The following ITIH2 variants were observed in gnomAD, a reference collection of about 807,000 sequenced individuals.
ITIH2 encodes the protein inter-alpha-trypsin inhibitor heavy chain 2.
Under a neutral mutation model 104.4 loss-of-function variants are expected in ITIH2, and 103 were observed. The ratio of observed to expected loss-of-function variants is 0.99; its 90% confidence interval spans 0.84 to 1.16. The LOEUF (loss-of-function observed/expected upper bound fraction) is 1.16. Among genes scored for constraint, ITIH2 ranks in the 50% most tolerant of loss-of-function variants. The pLI is 0.00. For synonymous variants in ITIH2, 436 were observed against 435.4 expected, an observed-to-expected ratio of 1.00 and a Z score of -0.02; for missense variants, 1,108 against 1,162.4, an observed-to-expected ratio of 0.95 and a Z score of 0.68.
chr10:7,741,727 A>C (rs1835126436), intron 16 of ITIH2, among the ~76,000 whole-genome samples: 1 of 92,664 alleles, frequency 1.1e-5, no homozygotes, highest in African/African-American at 2.9e-5. Context: ...GCTGCTCAAC[A>C]GAATAAAGGC....
At chr10:7,714,630 CAG>C (rs971376503) in intron 5 of ITIH2, among the ~76,000 whole-genome samples, 100 of 152,296 alleles carry the variant, frequency 6.6e-4, no homozygotes, top group African/African-American at 2.2e-3. Context: ...CCAGTTCTGT[CAG>C]AGACAGCAGC....
intron 1 of ITIH2, among the ~76,000 whole-genome samples, chr10:7,704,613 T>C (rs1834727637): frequency 2.0e-5 from 3 of 152,184 alleles, no homozygotes; most frequent in African/African-American, 7.2e-5. Context: ...TGAATTCCCA[T>C]GTCCAACAAA....
chr10:7,732,036 C>T (rs1405479183), intron 13 of ITIH2, 40 bp downstream of exon 13: 1 of 1,463,960 alleles, frequency 6.8e-7, no homozygotes, highest in Middle Eastern at 1.8e-4. Flanking sequence ...ACTAACTGAC[C>T]CCCTAGATAC....
At chr10:7,726,258 G>T (rs7912641) in intron 9 of ITIH2, among the ~76,000 whole-genome samples, 11,096 of 152,212 alleles carry the variant, frequency 0.073, 561 homozygotes, top group African/African-American at 0.14. Flanking sequence ...TTGTAGAAGG[G>T]TGAGAAATAA....
At chr10:7,731,770 A>T in intron 12 of ITIH2, 41 bp from the exon 13 acceptor site, 3 of 1,350,372 alleles carry the variant, frequency 2.2e-6, no homozygotes, top group Non-Finnish European at 3.1e-6. Context: ...TCTACAAAGC[A>T]GTAGGAACAT....
chr10:7,729,881 T>C, intron 11 of ITIH2, 71 bp from the exon 12 acceptor site: 1 of 1,115,100 alleles, frequency 9.0e-7, no homozygotes, highest in Non-Finnish European at 1.3e-6. Context: ...TAAACTGCCC[T>C]CCCTGGATTT....
In ITIH2 at chr10:7,749,508, A is replaced by T. The variant is rs560801643; in HGVS notation, c.*174A>T. 5.7e-6 allele frequency: 3 copies of T among 521,742 alleles called. No homozygotes were observed. Among genetic ancestry groups the T allele is most frequent in the Non-Finnish European group, 1.0e-5 (3 of 300,366 alleles). The allele number at this position is 521,742 out of a possible 1,614,324, so 32.3% of individuals were successfully genotyped here. A position where few individuals can be genotyped will look rare whatever the true frequency, so the allele number is the denominator to read the frequency against. ...TGTAAACACACCTAAGAAAATAAAC[A>T]TTTTACAAATGAGCTTTTAGGATTT... On this transcript the variant is annotated 3_prime_UTR_variant, in exon 21 of 21. Transcript: ENST00000358415.
At chr10:7,734,375 A>T (rs59756983) in intron 14 of ITIH2, among the ~76,000 whole-genome samples, 6,452 of 152,268 alleles carry the variant, frequency 0.042, 498 homozygotes, top group African/African-American at 0.15. Context: ...TGAACCTAAA[A>T]CTGCTCTAAA....
At chr10:7,746,499 A>C (rs1835178876) in intron 19 of ITIH2, 94 bp from the exon 20 acceptor site, 13 of 787,872 alleles carry the variant, frequency 1.7e-5, no homozygotes, top group Non-Finnish European at 2.8e-5. Context: ...GAAATCCTGG[A>C]GGGAGGACCG....
In ITIH2 at chr10:7,717,694, T is replaced by A. The variant is rs199526532; in HGVS notation, c.536T>A (p.Phe179Tyr). ...GTCCTCCCAGGAGCAAAGGTGCAGT[T>A]CGAACTTCACTACCAGGAGGTGAAG... ...VNVLPGAKVQFELHYQEVKWR... is the reference protein window; with the variant it reads ...VNVLPGAKVQYELHYQEVKWR... Residue 179 changes from phenylalanine to tyrosine, a missense_variant, in exon 6 of 21, where the codon TTC becomes TAC. Coordinates refer to ENST00000358415, the MANE Select transcript of ITIH2 (RefSeq NM_002216.3). 3 of 1,613,622 alleles carry A rather than the reference T, an allele frequency of 1.9e-6. No individual in the cohort carries two copies. The highest frequency in any genetic ancestry group is 2.5e-6 in the Non-Finnish European group (3 of 1,179,960).
intron 6 of ITIH2, among the ~76,000 whole-genome samples, chr10:7,719,890 A>C (rs1223948753): frequency 1.4e-5 from 2 of 147,440 alleles, no homozygotes; most frequent in Non-Finnish European, 3.0e-5. Flanking sequence ...ACACGGGGAC[A>C]TAGGGTGGGG....
chr10:7,730,813 G>A (rs777583031), intron 12 of ITIH2, among the ~76,000 whole-genome samples: 4 of 152,178 alleles, frequency 2.6e-5, no homozygotes, highest in Non-Finnish European at 4.4e-5. Flanking sequence ...GAACAAGTAA[G>A]AGATAAGATT....
In ITIH2 at chr10:7,727,561, C is replaced by T. The variant is rs113870738; in HGVS notation, c.1154-142C>T. ...CCACCAGCTTGAGCACAGTTTGTGT[C>T]ACTCAGAAAGCAATGAAATGATTTT... is the stretch of plus-strand genomic sequence containing the variant. On this transcript the variant is annotated intron_variant, in intron 10 of 20. Transcript: ENST00000358415. The T allele has an allele frequency of 3.5e-3, 3,386 of 970,080 alleles. 69 individuals carry two copies. The African/African-American group carries it at 0.048, about 14-fold the overall frequency. 60.1% of individuals were successfully genotyped at this position (970,080 alleles called of 1,614,324 possible).
chr10:7,718,412 A>AG (rs974685397), intron 6 of ITIH2, among the ~76,000 whole-genome samples: 2 of 152,096 alleles, frequency 1.3e-5, no homozygotes, highest in Non-Finnish European at 2.9e-5. Context: ...GCGCATCTTT[A>AG]GGGGGGGAGG....
intron 8 of ITIH2, among the ~76,000 whole-genome samples, chr10:7,723,091 AGAGTG>A (rs1264967245): frequency 1.1e-5 from 1 of 89,836 alleles, no homozygotes; most frequent in African/African-American, 4.4e-5. Context: ...GGAGTGGAGT[AGAGTG>A]GAGTGGCGTG....
chr10:7,744,172 A>G lies in ITIH2; in HGVS notation c.2300A>G (p.Gln767Arg). The G allele has an allele frequency of 1.2e-6, 2 of 1,614,142 alleles. No individual in the cohort carries two copies. The highest frequency in any genetic ancestry group is 1.7e-6 in the Non-Finnish European group (2 of 1,179,978). The change falls in exon 18 of 21, where the codon CAA (glutamine) becomes CGA (arginine). Residue 767 changes from glutamine to arginine, a missense_variant. Transcript: ENST00000358415. Reference sequence around the variant, plus strand: ...TTTGGAAAACTGGGATTTTATTTCCAAAGTGAAGACATAAAAATAGAAATC... The same window carrying G: ...TTTGGAAAACTGGGATTTTATTTCCGAAGTGAAGACATAAAAATAGAAATC... ...TYFGKLGFYF[Q>R]SEDIKIEIST...
At chr10:7,707,141 G>T in intron 2 of ITIH2, 60 bp from the exon 3 acceptor site, 2 of 1,226,746 alleles carry the variant, frequency 1.6e-6, no homozygotes, top group Admixed American at 1.9e-5. Flanking sequence ...AAACGGTTTT[G>T]GCTCTCAAGG....
At chr10:7,736,396 C>CT (rs1835055823) in intron 15 of ITIH2, among the ~76,000 whole-genome samples, 1 of 152,024 alleles carries the variant, frequency 6.6e-6, no homozygotes, top group African/African-American at 2.4e-5. Flanking sequence ...TTATATTATT[C>CT]TTTTTTCTAG....
rs759775415 is a variant in ITIH2 at position 7,707,244 on chromosome 10, T to G, written c.192+11T>G. On this transcript the variant is annotated intron_variant, in intron 3 of 20. Coordinates refer to ENST00000358415, the MANE Select transcript of ITIH2 (RefSeq NM_002216.3). ...TCGGAAGAAATGATGGTAAGTTGAC[T>G]TGATGTTGTTACAGATTGAATGATT... The G allele has an allele frequency of 6.3e-6, 10 of 1,587,682 alleles. No homozygotes were observed. The highest frequency in any genetic ancestry group is 6.0e-6 in the Non-Finnish European group (7 of 1,158,136).
Sources: allele counts gnomAD v4.1 joint callset (sites outside exome capture counted in the v4.1 genomes callset), GRCh38; gene constraint gnomAD v4.1.1; transcripts MANE v1.5; gene names NCBI Gene and HGNC (gene_info 2026-07-23, HGNC 2026-07-21).